The following CREBBP variants were observed in gnomAD, a reference collection of about 807,000 sequenced individuals.
The protein encoded by CREBBP is CREB-binding protein.
A neutral mutation model predicts 265.0 loss-of-function variants in CREBBP; 19 were observed. The ratio of observed to expected loss-of-function variants is 0.07; its 90% confidence interval spans 0.05 to 0.11. The LOEUF (loss-of-function observed/expected upper bound fraction) is 0.11, where lower values mean the gene tolerates loss of function less well. Among genes scored for constraint, CREBBP ranks in the 10% least tolerant of loss-of-function variants. The pLI, the probability that CREBBP is intolerant of heterozygous loss-of-function variation, is 1.00. For missense variants in CREBBP, 2,525 were observed against 3,219.0 expected, an observed-to-expected ratio of 0.78 and a Z score of 5.22; for synonymous variants, 1,457 against 1,223.7, an observed-to-expected ratio of 1.19 and a Z score of -3.98.
rs370693698 is a variant in CREBBP at position 3,728,590 on chromosome 16, C to T, written c.6457G>A (p.Gly2153Ser). ...ATCGCCTGCTGCTGTGGAGGCACAC[C>T]GGGCCGCGGCACGCCAGCCTGCATG... ...NAMQAGVPRP[G>S]VPPQQQAMGG... The change falls in exon 31 of 31, where the codon GGT becomes AGT. Residue 2153 changes from glycine (G) to serine (S), a missense_variant. By Grantham distance (56) the Gly-to-Ser change is moderately conservative. This residue lies in a region of CREBBP where 473 missense variants were observed against 459.3 expected (regional missense o/e 1.03). Transcript: ENST00000262367. The surrounding 1 kb of genome is among the most constrained non-coding windows in gnomAD (Gnocchi z 8.7). 9.3e-6 allele frequency: 15 copies of T among 1,613,658 alleles called. No individual in the cohort carries two copies. The highest frequency in any genetic ancestry group is 5.0e-5 in the Admixed American group (3 of 59,980).
chr16:3,853,571 C>T (rs907408734), intron 1 of CREBBP, among the ~76,000 whole-genome samples: 2 of 151,780 alleles, frequency 1.3e-5, no homozygotes, highest in African/African-American at 2.4e-5. Flanking sequence ...GATTGCGCCA[C>T]TGCACTCCAG....
At chr16:3,816,600 A>G (rs964530066) in intron 2 of CREBBP, among the ~76,000 whole-genome samples, 2 of 152,220 alleles carry the variant, frequency 1.3e-5, no homozygotes, top group African/African-American at 4.8e-5. Context: ...AGTGACCATG[A>G]TCAACAAAGA....
chr16:3,858,901 C>T (rs944069894), intron 1 of CREBBP, among the ~76,000 whole-genome samples: 2 of 152,146 alleles, frequency 1.3e-5, no homozygotes, highest in African/African-American at 4.8e-5. Context: ...GGATGAGCAA[C>T]AGTAGTGTAA....
rs1335692925 is a variant in CREBBP at position 3,770,943 on chromosome 16, A to G, written c.2507T>C (p.Leu836Pro). The G allele has an allele frequency of 2.5e-6, 4 of 1,613,770 alleles. 1 individual carries two copies. The East Asian group carries it at 8.9e-5, about 36-fold the overall frequency. The change falls in exon 14 of 31, where the codon CTG (leucine) becomes CCG (proline). Residue 836 changes from leucine (L) to proline (P), a missense_variant. Leu to Pro is a moderately conservative substitution (Grantham distance 98). Coordinates refer to ENST00000262367, the MANE Select transcript of CREBBP (RefSeq NM_004380.3). ...AGGTAGCTGGCTGGCCTGAGGCCCC[A>G]GCATGTTGAGAGGGTTAGGAAGAGC... The part of the protein sequence containing the change: ...GAALPNPLNM[L>P]GPQASQLPCP...
At chr16:3,872,306 T>A (rs1330289138) in intron 1 of CREBBP, among the ~76,000 whole-genome samples, 2 of 152,160 alleles carry the variant, frequency 1.3e-5, no homozygotes, top group Non-Finnish European at 2.9e-5. Flanking sequence ...CCCAATTTGA[T>A]TTGTGTGCCC....
At position 3,769,182 on chromosome 16, in the gene CREBBP, T is replaced by C; in HGVS notation, c.3052A>G (p.Arg1018Gly). The C allele has an allele frequency of 3.1e-6, 5 of 1,614,082 alleles. No individual in the cohort carries two copies. The highest frequency in any genetic ancestry group is 1.1e-5 in the South Asian group (1 of 91,070). ...TAGGGAGCGGCACCCACCTCAGACC[T>C]GGGCTCCCCTTTGGATTCACCAGGA... ...PDPGESKGEP[R>G]SEMMEEDLQG... The change falls in exon 15 of 31, where the codon AGG becomes GGG. Residue 1018 changes from arginine to glycine, a missense_variant. Physicochemically the swap from Arg to Gly is moderately radical, Grantham distance 125. Around this residue, in one of 19 missense-constraint regions of CREBBP, gnomAD observed 548 missense variants for 533.0 expected, o/e 1.03. Coordinates refer to ENST00000262367, the MANE Select transcript of CREBBP (RefSeq NM_004380.3).
intron 1 of CREBBP, among the ~76,000 whole-genome samples, chr16:3,868,543 TA>T (rs202165384): frequency 6.6e-6 from 1 of 151,122 alleles, no homozygotes; most frequent in Non-Finnish European, 1.5e-5. Context: ...TTATAAGCCC[TA>T]AAAAAAAATA....
In CREBBP at chr16:3,731,330, G is replaced by A. The variant is rs752125051; in HGVS notation, c.5034C>T (p.Phe1678=). The A allele has an allele frequency of 6.2e-7, 1 of 1,614,122 alleles. No homozygotes were observed. The highest frequency in any genetic ancestry group is 8.5e-7 in the Non-Finnish European group (1 of 1,180,004). The change falls in exon 30 of 31, where the codon TTC becomes TTT. Residue 1678 remains phenylalanine, a synonymous_variant. Transcript: ENST00000262367. This position sits in a 1 kb window ranked among gnomAD's most constrained non-coding sequence, Gnocchi z 7.7. ...LTLARDKHWE[F]SSLRRSKWST... ...ACCACTTGGAGCGGCGCAAGGAGGA[G>A]AACTCCCAGTGCTTGTCTCTGGCGA... is the stretch of plus-strand genomic sequence containing the variant.
Position 3,850,957 on chromosome 16 carries a change from G to A in CREBBP, c.138C>T (p.Pro46=). Residue 46 remains proline, a synonymous_variant, in exon 2 of 31, where the codon CCC becomes CCT. Transcript: ENST00000262367. ...LENDLPDELI[P]NGGELGLLNS... is the part of the protein sequence containing the mutation. Reference sequence around the variant, plus strand: ...TTAAAAGGCCTAATTCTCCTCCATTGGGTATCAGCTCATCAGGAAGATCAT... The same window carrying A: ...TTAAAAGGCCTAATTCTCCTCCATTAGGTATCAGCTCATCAGGAAGATCAT... 6.2e-7 allele frequency: 1 copy of A among 1,614,160 alleles called. No homozygotes were observed. Among genetic ancestry groups the A allele is most frequent in the Non-Finnish European group, 8.5e-7 (1 of 1,180,038 alleles).
rs768299710 is a variant in CREBBP, at chr16:3,728,408, CTGCTGT to C, written c.6633_6638del (p.Gln2215_Gln2216del). On this transcript the variant is annotated inframe_deletion, in exon 31 of 31. Transcript: ENST00000262367. The surrounding 1 kb of genome is among the most constrained non-coding windows in gnomAD (Gnocchi z 8.7). ...CCATGCCGGCACTCCCTTGCTGCTG[CTGCTGT>C]TGCTGCTGTTGTTGCTGCTGCTGTT... 6.8e-6 allele frequency: 11 copies of C among 1,613,358 alleles called. No individual in the cohort carries two copies. In the East Asian group the frequency reaches 2.0e-4, roughly 29 times the overall value.
At chr16:3,757,035 CTT>C (rs200241989) in intron 19 of CREBBP, among the ~76,000 whole-genome samples, 6 of 151,674 alleles carry the variant, frequency 4.0e-5, no homozygotes, top group African/African-American at 1.5e-4. Context: ...CACTTTTTCT[CTT>C]TTTTTTTCTT....
rs549041922 is a variant in CREBBP at position 3,774,246 on chromosome 16, G to A, written c.2284-316C>T. Reference sequence around the variant, plus strand: ...TCTAAAGTGTTTAGAAAGCAGCCTCGGAACAGCGAGCTCTCAGTCAACAGA... The same window carrying A: ...TCTAAAGTGTTTAGAAAGCAGCCTCAGAACAGCGAGCTCTCAGTCAACAGA... On this transcript the variant is annotated intron_variant, in intron 12 of 30. Transcript: ENST00000262367. Among the ~76,000 whole-genome samples, 7 of 152,244 alleles carry A rather than the reference G, an allele frequency of 4.6e-5. No homozygotes were observed. The East Asian group carries it at 5.8e-4, about 13-fold the overall frequency.
chr16:3,848,818 T>A (rs2059888754), intron 2 of CREBBP, among the ~76,000 whole-genome samples: 1 of 152,216 alleles, frequency 6.6e-6, no homozygotes, highest in African/African-American at 2.4e-5. Context: ...GACACACTCA[T>A]ACAGACTCTT....
intron 2 of CREBBP, among the ~76,000 whole-genome samples, chr16:3,830,398 T>TCAAAA (rs746109725): frequency 1.3e-4 from 20 of 150,670 alleles, no homozygotes; most frequent in African/African-American, 2.7e-4. Context: ...ACATCCTGTA[T>TCAAAA]CAAAACAAAA....
chr16:3,818,691 C>T (rs1157783476), intron 2 of CREBBP, among the ~76,000 whole-genome samples: 4 of 152,174 alleles, frequency 2.6e-5, no homozygotes, highest in African/African-American at 4.8e-5. Flanking sequence ...CAGTTTTCCT[C>T]ACACCTCAAG....
intron 7 of CREBBP, 38 bp downstream of exon 7, chr16:3,781,166 C>T (rs2141246761): frequency 1.3e-6 from 2 of 1,534,898 alleles, no homozygotes; most frequent in South Asian, 1.1e-5. Flanking sequence ...GTCCATGCTC[C>T]TGTTGGACTG....
rs2053257954 is a variant in CREBBP at position 3,780,855 on chromosome 16, T to G, written c.1700A>C (p.Asn567Thr). Residue 567 changes from asparagine to threonine, a missense_variant, in exon 8 of 31, where the codon AAC becomes ACC. This residue lies in a region of CREBBP where 144 missense variants were observed against 134.0 expected (regional missense o/e 1.07). Transcript: ENST00000262367. ...ATNPLMNDGS[N>T]SGNIGTLSTI... is the part of the protein sequence containing the mutation. ...GCTGAGGGTTCCAATGTTACCAGAG[T>G]TGGAGCCATCGTTCATCAGTGGGCT... The G allele has an allele frequency of 6.2e-7, 1 of 1,613,466 alleles. No homozygotes were observed. Among genetic ancestry groups the G allele is most frequent in the Non-Finnish European group, 8.5e-7 (1 of 1,180,018 alleles).
rs554708017 is a variant in CREBBP, at chr16:3,876,877, G to C, written c.85+2955C>G. ...GTGACATTCATCACTCTGAGGTGCT[G>C]CATGACCTTCGGGAGTGCTGTTTGC... On this transcript the variant is annotated intron_variant, in intron 1 of 30. Coordinates refer to ENST00000262367, the MANE Select transcript of CREBBP (RefSeq NM_004380.3). 3.9e-5 allele frequency among the ~76,000 whole-genome samples: 6 copies of C among 152,324 alleles called. 1 individual carries two copies. In the South Asian group the frequency reaches 1.2e-3, roughly 32 times the overall value.
chr16:3,839,350 T>A (rs1381385792), intron 2 of CREBBP, among the ~76,000 whole-genome samples: 1 of 152,152 alleles, frequency 6.6e-6, no homozygotes, highest in South Asian at 2.1e-4. Context: ...CCATTTAATA[T>A]ACATATGCAA....
Sources: allele counts gnomAD v4.1 joint callset (sites outside exome capture counted in the v4.1 genomes callset), GRCh38; gene constraint gnomAD v4.1.1; regional missense constraint gnomAD v4.1.1; non-coding constraint Gnocchi (gnomAD v3.1); transcripts MANE v1.5; gene names NCBI Gene and HGNC (gene_info 2026-07-23, HGNC 2026-07-21).